The following OSBPL9 variants were observed in gnomAD, a reference collection of about 807,000 sequenced individuals.
The protein encoded by OSBPL9 is oxysterol-binding protein-related protein 9.
Under a neutral mutation model 106.6 loss-of-function variants are expected in OSBPL9, and 40 were observed. That is an observed-to-expected ratio of 0.38 (90% CI 0.29 to 0.49). The LOEUF (loss-of-function observed/expected upper bound fraction) is 0.49, where lower values mean the gene tolerates loss of function less well. Ranked by LOEUF, OSBPL9 falls within the 20% of genes least tolerant of loss-of-function variation. OSBPL9 has a pLI of 0.97. For synonymous variants in OSBPL9, 269 were observed against 295.4 expected (o/e 0.91, Z 0.92); for missense variants, 609 against 887.2 (o/e 0.69, Z 3.98).
the OSBPL9 span, among the ~76,000 whole-genome samples, chr1:51,541,755 G>C: frequency 4.6e-5 from 7 of 152,308 alleles, no homozygotes; most frequent in African/African-American, 1.4e-4. Context: ...AGTTAACAAG[G>C]CCTCACTTAA....
intron 17 of OSBPL9, among the ~76,000 whole-genome samples, chr1:51,783,114 C>G (rs972631283): frequency 3.3e-5 from 5 of 152,034 alleles, no homozygotes; most frequent in African/African-American, 1.2e-4. Context: ...CTTATAATAC[C>G]TAATACAATG....
chr1:51,561,546 G>A, the OSBPL9 span: 3 of 152,260 alleles, frequency 2.0e-5, no homozygotes, highest in African/African-American at 7.2e-5. Flanking sequence ...TTATGCTGAA[G>A]TACAATTGTT....
chr1:51,777,827 T>C (rs1248422000), intron 15 of OSBPL9, among the ~76,000 whole-genome samples: 2 of 152,124 alleles, frequency 1.3e-5, no homozygotes, highest in Non-Finnish European at 2.9e-5. Flanking sequence ...GGGTAGTTTT[T>C]ATGTGTGAGA....
chr1:51,680,521 C>T (rs1405392784), intron 3 of OSBPL9, among the ~76,000 whole-genome samples: 1 of 151,542 alleles, frequency 6.6e-6, no homozygotes, highest in South Asian at 2.1e-4. Context: ...ATTTAGCTGA[C>T]GTGGTGGTAC....
At chr1:51,620,826 A>G (rs2148623493) in intron 1 of OSBPL9, among the ~76,000 whole-genome samples, 1 of 152,248 alleles carries the variant, frequency 6.6e-6, no homozygotes, top group East Asian at 1.9e-4. Flanking sequence ...TTATTGAAAA[A>G]TCTTTTATTA....
chr1:51,657,864 G>T (rs1048689856), intron 2 of OSBPL9, among the ~76,000 whole-genome samples: 1 of 152,116 alleles, frequency 6.6e-6, no homozygotes. Flanking sequence ...TTGGGAGGCT[G>T]ATTCAGGAGG....
the OSBPL9 span, among the ~76,000 whole-genome samples, chr1:51,541,639 G>A: frequency 6.6e-6 from 1 of 152,222 alleles, no homozygotes; most frequent in Non-Finnish European, 1.5e-5. Context: ...AGAGAAGGCT[G>A]TGGGTGGGGA....
intron 3 of OSBPL9, among the ~76,000 whole-genome samples, chr1:51,671,507 A>G (rs1649862722): frequency 2.0e-5 from 3 of 152,226 alleles, no homozygotes; most frequent in African/African-American, 7.2e-5. Flanking sequence ...ACATTCATTT[A>G]TTCATTCAAC....
the OSBPL9 span, among the ~76,000 whole-genome samples, chr1:51,530,955 C>T: frequency 1.4e-5 from 2 of 144,358 alleles, no homozygotes; most frequent in Admixed American, 7.1e-5. Flanking sequence ...GCCTGGGTGA[C>T]AGAGCGAGAC....
At chr1:51,781,381 A>AT in intron 16 of OSBPL9, 46 bp downstream of exon 16, 2 of 1,553,882 alleles carry the variant, frequency 1.3e-6, no homozygotes, top group Non-Finnish European at 1.8e-6. Context: ...TTGTATACTG[A>AT]TTCAAGATTT....
chr1:51,581,451 T>G (rs1645221122), intron 1 of OSBPL9, among the ~76,000 whole-genome samples: 1 of 152,202 alleles, frequency 6.6e-6, no homozygotes, highest in Non-Finnish European at 1.5e-5. Flanking sequence ...TCCCCCTTCT[T>G]TCCATACTGC....
In OSBPL9 at chr1:51,775,355, C is replaced by A. The variant is rs375551057; in HGVS notation, c.1171-1478C>A. Among the ~76,000 whole-genome samples the A allele has an allele frequency of 2.0e-5, 3 of 151,258 alleles. No individual in the cohort carries two copies. The East Asian group carries it at 5.8e-4, about 29-fold the overall frequency. On this transcript the variant is annotated intron_variant, in intron 14 of 23. Coordinates refer to ENST00000428468, the MANE Select transcript of OSBPL9 (RefSeq NM_024586.6). ...TTTCCTTGTCTTTTTTTTTTTCTCC[C>A]GTCTCCATGTCTTGTTCTTTTATCA...
intron 1 of OSBPL9, among the ~76,000 whole-genome samples, chr1:51,590,559 G>A (rs934879300): frequency 6.7e-6 from 1 of 148,544 alleles, no homozygotes; most frequent in Non-Finnish European, 1.5e-5. Flanking sequence ...GGCGGAGCTT[G>A]CATTGAGCCG....
intron 1 of OSBPL9, among the ~76,000 whole-genome samples, chr1:51,621,467 C>G (rs1022612395): frequency 6.7e-6 from 1 of 150,114 alleles, no homozygotes; most frequent in Non-Finnish European, 1.5e-5. Flanking sequence ...GATGGTCCCA[C>G]TGCACTCCAG....
chr1:51,719,203 AT>A (rs1661606327), intron 4 of OSBPL9, among the ~76,000 whole-genome samples: 1 of 152,208 alleles, frequency 6.6e-6, no homozygotes, highest in Non-Finnish European at 1.5e-5. Context: ...GTGACAGAAG[AT>A]AACTAAGATC....
chr1:51,676,258 C>T (rs1159779898), intron 3 of OSBPL9, among the ~76,000 whole-genome samples: 1 of 151,804 alleles, frequency 6.6e-6, no homozygotes, highest in Non-Finnish European at 1.5e-5. Flanking sequence ...GGTGAAACCC[C>T]GTCTCTACTA....
intron 1 of OSBPL9, among the ~76,000 whole-genome samples, chr1:51,580,944 ATATATATAT>A (rs1557574586): frequency 1.1e-3 from 1 of 904 alleles, no homozygotes; most frequent in African/African-American, 2.7e-3. Flanking sequence ...ATATATATAT[ATATATATAT>A]AACTTTTTTG....
chr1:51,665,276 C>G (rs1648169562), intron 2 of OSBPL9, among the ~76,000 whole-genome samples: 4 of 152,168 alleles, frequency 2.6e-5, no homozygotes, highest in Admixed American at 1.3e-4. Context: ...TCCCGAGTAG[C>G]TGGGATTACA....
At chr1:51,708,801 A>G (rs993920778) in intron 3 of OSBPL9, among the ~76,000 whole-genome samples, 1 of 152,012 alleles carries the variant, frequency 6.6e-6, no homozygotes, top group Non-Finnish European at 1.5e-5. Context: ...TCTTTTAGTG[A>G]TTATTTTAGA....
Sources: gnomAD v4.1 joint callset for allele counts (sites outside exome capture counted in the v4.1 genomes callset) on GRCh38, gnomAD v4.1.1 for gene constraint, MANE v1.5 for transcripts, NCBI Gene and HGNC (gene_info 2026-07-23, HGNC 2026-07-21) for gene names.